Variants in LINGO2 observed in about 807,000 individuals in gnomAD.
LINGO2 encodes the protein leucine rich repeat and Ig domain containing 2.
LINGO2 carries 14 observed loss-of-function variants against 30.6 expected under a neutral mutation model. The observed-to-expected ratio is 0.46, with a 90% CI of 0.30 to 0.72. The LOEUF (loss-of-function observed/expected upper bound fraction) is 0.72. Ranked by LOEUF, LINGO2 falls within the 30% of genes least tolerant of loss-of-function variation. The pLI, the probability that LINGO2 is intolerant of heterozygous loss-of-function variation, is 0.07. For synonymous variants in LINGO2, 317 were observed against 288.5 expected (o/e 1.10, Z -1.00); for missense variants, 729 against 751.7 (o/e 0.97, Z 0.35).
At chr9:29,100,966 C>T in the LINGO2 span, among the ~76,000 whole-genome samples, 2 of 152,086 alleles carry the variant, frequency 1.3e-5, no homozygotes, top group African/African-American at 2.4e-5. Flanking sequence ...GTGTCATGTA[C>T]TAAGGTGGTA....
At chr9:28,838,135 C>T in the LINGO2 span, among the ~76,000 whole-genome samples, 1 of 152,070 alleles carries the variant, frequency 6.6e-6, no homozygotes, top group African/African-American at 2.4e-5. Context: ...GACATTATTT[C>T]CCTTTTCACC....
chr9:29,157,371 G>A, the LINGO2 span, among the ~76,000 whole-genome samples: 2 of 152,126 alleles, frequency 1.3e-5, no homozygotes, highest in African/African-American at 4.8e-5. Flanking sequence ...CTCTGATAGA[G>A]AATGCCAAGA....
the LINGO2 span, among the ~76,000 whole-genome samples, chr9:28,798,752 G>A: frequency 2.0e-5 from 3 of 152,060 alleles, no homozygotes; most frequent in Non-Finnish European, 4.4e-5. Context: ...GCTTTCATCA[G>A]GTTTGTTCGC....
chr9:29,064,653 A>C, the LINGO2 span, among the ~76,000 whole-genome samples: 7 of 152,088 alleles, frequency 4.6e-5, no homozygotes, highest in Non-Finnish European at 8.8e-5. Context: ...TAATTGAAAC[A>C]TCTTTATTAA....
chr9:28,798,604 A>C, the LINGO2 span, among the ~76,000 whole-genome samples: 76 of 152,242 alleles, frequency 5.0e-4, no homozygotes, highest in Non-Finnish European at 3.8e-4. Flanking sequence ...ATATTAGTCT[A>C]AGAGTACAAG....
intron 4 of LINGO2, among the ~76,000 whole-genome samples, chr9:28,055,775 C>T (rs923389472): frequency 6.6e-6 from 1 of 152,114 alleles, no homozygotes; most frequent in Non-Finnish European, 1.5e-5. Flanking sequence ...GTTCAAATTG[C>T]TATCTTTAGT....
the LINGO2 span, among the ~76,000 whole-genome samples, chr9:28,951,361 G>A: frequency 1.4e-5 from 2 of 141,496 alleles, no homozygotes; most frequent in South Asian, 2.6e-4. Flanking sequence ...GGTTTCCTTA[G>A]ATTCTGCAAT....
chr9:28,158,398 G>A (rs1342973759), intron 4 of LINGO2, among the ~76,000 whole-genome samples: 1 of 152,140 alleles, frequency 6.6e-6, no homozygotes, highest in African/African-American at 2.4e-5. Flanking sequence ...CCAATAAAGA[G>A]TTCTCAGGTA....
At chr9:28,387,024 A>G (rs1344448724) in intron 2 of LINGO2, among the ~76,000 whole-genome samples, 2 of 152,194 alleles carry the variant, frequency 1.3e-5, no homozygotes, top group Non-Finnish European at 2.9e-5. Flanking sequence ...TATAGCATTG[A>G]GAGGTGAAGC....
Position 28,624,344 on chromosome 9 carries a change from T to G in LINGO2, c.-365+45856A>C, listed in dbSNP as rs111301274. 5.3e-5 allele frequency among the ~76,000 whole-genome samples: 8 copies of G among 152,136 alleles called. 1 individual carries two copies. The highest frequency in any genetic ancestry group is 1.7e-4 in the African/African-American group (7 of 41,526). On this transcript the variant is annotated intron_variant, in intron 1 of 5. Coordinates refer to ENST00000379992, the Ensembl canonical transcript of LINGO2. Reference sequence around the variant, plus strand: ...CAGCTTTTTTTTATATTGGGGTGTGTTTTTTCTATATCTAGTTTTGGGCGG... The same window carrying G: ...CAGCTTTTTTTTATATTGGGGTGTGGTTTTTCTATATCTAGTTTTGGGCGG...
chr9:28,636,673 T>A (rs939155015), intron 1 of LINGO2, among the ~76,000 whole-genome samples: 2 of 144,816 alleles, frequency 1.4e-5, no homozygotes, highest in African/African-American at 5.7e-5. Flanking sequence ...GATGGGGTTG[T>A]TTTTTTCTTA....
At chr9:28,997,034 C>T in the LINGO2 span, among the ~76,000 whole-genome samples, 3 of 152,106 alleles carry the variant, frequency 2.0e-5, no homozygotes, top group East Asian at 5.8e-4. Flanking sequence ...TTTGAATATG[C>T]CTAATTTATC....
chr9:28,555,856 T>C (rs1337184724), intron 1 of LINGO2, among the ~76,000 whole-genome samples: 3 of 152,022 alleles, frequency 2.0e-5, no homozygotes, highest in Non-Finnish European at 4.4e-5. Flanking sequence ...AGCAAATCAA[T>C]AAATGTAATC....
At chr9:28,080,322 C>T (rs1355231864) in intron 4 of LINGO2, among the ~76,000 whole-genome samples, 2 of 152,136 alleles carry the variant, frequency 1.3e-5, no homozygotes, top group Non-Finnish European at 2.9e-5. Context: ...GTTTTTCCAG[C>T]TTCTTCTTCT....
At chr9:29,060,105 C>A in the LINGO2 span, among the ~76,000 whole-genome samples, 1 of 151,758 alleles carries the variant, frequency 6.6e-6, no homozygotes, top group East Asian at 1.9e-4. Flanking sequence ...TTTCGTTTTT[C>A]TTCTTCACTC....
At chr9:28,640,205 G>A (rs62548216) in intron 1 of LINGO2, among the ~76,000 whole-genome samples, 1 of 152,012 alleles carries the variant, frequency 6.6e-6, no homozygotes, top group Non-Finnish European at 1.5e-5. Flanking sequence ...TAGTCTGATG[G>A]ACTTTCCTTT....
chr9:28,644,455 T>G (rs901267851), intron 1 of LINGO2, among the ~76,000 whole-genome samples: 1 of 152,018 alleles, frequency 6.6e-6, no homozygotes, highest in African/African-American at 2.4e-5. Context: ...GTTCACTTAT[T>G]TGTGAAATTT....
At chr9:28,670,127 A>T (rs1050229872) in intron 1 of LINGO2, 73 bp downstream of exon 3, 1 of 152,112 alleles carries the variant, frequency 6.6e-6, no homozygotes, top group Non-Finnish European at 1.5e-5. Context: ...GGTATAATAA[A>T]AATAAGTTTT....
chr9:29,163,791 T>A, the LINGO2 span, among the ~76,000 whole-genome samples: 4 of 152,130 alleles, frequency 2.6e-5, no homozygotes, highest in Non-Finnish European at 4.4e-5. Flanking sequence ...TTGGAAAACT[T>A]AAAATAATAG....
Sources: gnomAD v4.1 joint callset for allele counts (sites outside exome capture counted in the v4.1 genomes callset) on GRCh38, gnomAD v4.1.1 for gene constraint, MANE v1.5 for transcripts, NCBI Gene and HGNC (gene_info 2026-07-23, HGNC 2026-07-21) for gene names.